PCDH15: variants seen among roughly 807,000 people sequenced by gnomAD.
PCDH15 encodes protocadherin-15.
A neutral mutation model predicts 178.5 loss-of-function variants in PCDH15; 129 were observed. The observed-to-expected ratio is 0.72, with a 90% CI of 0.63 to 0.84. The LOEUF is 0.84. PCDH15 is among the 40% of genes least tolerant of loss of function. The pLI is 0.00. For synonymous variants in PCDH15, 800 were observed against 732.0 expected, an observed-to-expected ratio of 1.09 and a Z score of -1.50; for missense variants, 2,230 against 2,099.9, an observed-to-expected ratio of 1.06 and a Z score of -1.21.
intron 2 of PCDH15, among the ~76,000 whole-genome samples, chr10:55,460,533 C>G (rs1000542756): frequency 6.6e-6 from 1 of 151,950 alleles, no homozygotes; most frequent in Non-Finnish European, 1.5e-5. Flanking sequence ...TCACCGGACG[C>G]GTTTTGGTTT....
intron 3 of PCDH15, among the ~76,000 whole-genome samples, chr10:54,865,324 T>C (rs1283122187): frequency 6.6e-6 from 1 of 152,128 alleles, no homozygotes. Flanking sequence ...AACATCAGAC[T>C]CTCTGGTCTT....
chr10:55,340,721 A>T (rs1565030249), intron 2 of PCDH15, among the ~76,000 whole-genome samples: 1 of 152,078 alleles, frequency 6.6e-6, no homozygotes, highest in Admixed American at 6.6e-5. Context: ...AATATTTTAT[A>T]TTTTATTAAT....
chr10:54,940,918 G>A (rs898101763), intron 2 of PCDH15, among the ~76,000 whole-genome samples: 1 of 152,018 alleles, frequency 6.6e-6, no homozygotes, highest in Non-Finnish European at 1.5e-5. Context: ...AGTCTAAAGT[G>A]TGTCTCCTAT....
chr10:55,119,436 A>G (rs1190454659), intron 2 of PCDH15, among the ~76,000 whole-genome samples: 1 of 152,082 alleles, frequency 6.6e-6, no homozygotes, highest in East Asian at 1.9e-4. Context: ...TTATACTACT[A>G]ATTCTGAGAT....
intron 2 of PCDH15, among the ~76,000 whole-genome samples, chr10:54,549,644 T>A (rs1041341137): frequency 1.3e-5 from 2 of 151,678 alleles, no homozygotes; most frequent in Non-Finnish European, 2.9e-5. Context: ...AGTAGTAGTA[T>A]CAAACCTATA....
chr10:54,076,086 A>G (rs1465192481), intron 17 of PCDH15, among the ~76,000 whole-genome samples: 3 of 152,146 alleles, frequency 2.0e-5, no homozygotes, highest in Admixed American at 2.0e-4. Context: ...CTTCCCATCC[A>G]TGAACATGGG....
intron 26 of PCDH15, among the ~76,000 whole-genome samples, chr10:53,888,310 G>GTATATATATACATATATA (rs1554845230): frequency 3.5e-5 from 1 of 28,710 alleles, no homozygotes; most frequent in Non-Finnish European, 7.9e-5. Context: ...ATATATATAT[G>GTATATATATACATATATA]TATATATGTA....
intron 23 of PCDH15, among the ~76,000 whole-genome samples, chr10:53,949,839 A>G (rs555658609): frequency 1.3e-5 from 2 of 152,326 alleles, no homozygotes; most frequent in South Asian, 2.1e-4. Flanking sequence ...CCACTGTGAT[A>G]ATATTACTTG....
intron 1 of PCDH15, among the ~76,000 whole-genome samples, chr10:55,267,276 T>C (rs1036826335): frequency 1.3e-5 from 2 of 152,246 alleles, no homozygotes; most frequent in African/African-American, 4.8e-5. Context: ...TATCTATCCA[T>C]ATATCTATCT....
intron 1 of PCDH15, among the ~76,000 whole-genome samples, chr10:54,685,066 T>C (rs1425810766): frequency 6.6e-6 from 1 of 152,020 alleles, no homozygotes; most frequent in Non-Finnish European, 1.5e-5. Context: ...AAAGCATTTT[T>C]TAAACCTAGA....
intron 25 of PCDH15, among the ~76,000 whole-genome samples, chr10:53,938,160 T>C (rs750229927): frequency 2.0e-5 from 3 of 152,108 alleles, no homozygotes; most frequent in Non-Finnish European, 2.9e-5. Context: ...TGCTTCTCTG[T>C]GGGGGTAAAC....
Position 54,731,593 on chromosome 10 carries a change from C to CACAT in PCDH15, c.-28-67304_-28-67303insATGT, listed in dbSNP as rs1232341758. Among the ~76,000 whole-genome samples, 471 of 130,222 alleles carry CACAT rather than the reference C, an allele frequency of 3.6e-3. 3 individuals are homozygous for CACAT. Among genetic ancestry groups the CACAT allele is most frequent in the African/African-American group, 0.013 (454 of 35,216 alleles). The allele number at this position is 130,222 out of a possible 152,430, so 85.4% of individuals were successfully genotyped here. A position where few individuals can be genotyped will look rare whatever the true frequency, so the allele number is the denominator to read the frequency against. On this transcript the variant is annotated intron_variant, in intron 1 of 37. Coordinates refer to ENST00000644397, the MANE Select transcript of PCDH15 (RefSeq NM_001384140.1). ...ACACACACACACACACACACACACA[C>CACAT]ATATATATATAGTTGAATATTGTTA...
At chr10:53,911,231 T>TAA (rs1012312679) in intron 25 of PCDH15, among the ~76,000 whole-genome samples, 4 of 152,094 alleles carry the variant, frequency 2.6e-5, no homozygotes, top group African/African-American at 9.7e-5. Context: ...TCAGCAAATG[T>TAA]AAAAGAACAG....
intron 21 of PCDH15, among the ~76,000 whole-genome samples, chr10:53,990,145 T>G (rs2610885): frequency 6.6e-6 from 1 of 151,784 alleles, no homozygotes; most frequent in Non-Finnish European, 1.5e-5. Context: ...GAAAAGAAGA[T>G]CTAGCCATCT....
rs1839531590 is a variant in PCDH15, at chr10:55,455,547, A to G, written c.-156+172078T>C. Among the ~76,000 whole-genome samples the G allele has an allele frequency of 2.6e-5, 4 of 152,228 alleles. 1 individual carries two copies. The South Asian group carries it at 8.3e-4, about 32-fold the overall frequency. On this transcript the variant is annotated intron_variant, in intron 2 of 5. Transcript: ENST00000613346. ...TTTAAAAATCATTATCAGAACTATC[A>G]TACAACTTTAGACATTTCAATACTG...
intron 2 of PCDH15, among the ~76,000 whole-genome samples, chr10:54,970,281 C>A (rs1156817268): frequency 6.6e-6 from 1 of 152,076 alleles, no homozygotes. Flanking sequence ...TATTGCAGCA[C>A]AAATGAACTA....
At chr10:54,282,411 G>A (rs1249740856) in intron 8 of PCDH15, among the ~76,000 whole-genome samples, 1 of 151,964 alleles carries the variant, frequency 6.6e-6, no homozygotes, top group Non-Finnish European at 1.5e-5. Context: ...TTTACAACAG[G>A]TTCAAAATTT....
intron 2 of PCDH15, among the ~76,000 whole-genome samples, chr10:55,590,746 T>A (rs1371229220): frequency 3.9e-5 from 6 of 152,202 alleles, no homozygotes; most frequent in Non-Finnish European, 8.8e-5. Flanking sequence ...TAAGTCACTT[T>A]ATTATACAGC....
At chr10:55,297,629 A>C (rs956722983) in intron 1 of PCDH15, among the ~76,000 whole-genome samples, 7 of 152,154 alleles carry the variant, frequency 4.6e-5, no homozygotes, top group Non-Finnish European at 8.8e-5. Flanking sequence ...ATATGACTTT[A>C]AATGATTAAA....
Sources: allele counts gnomAD v4.1 joint callset (sites outside exome capture counted in the v4.1 genomes callset), GRCh38; gene constraint gnomAD v4.1.1; transcripts MANE v1.5; gene names NCBI Gene and HGNC (gene_info 2026-07-23, HGNC 2026-07-21).